Variants in SLC1A2 observed in about 807,000 individuals in gnomAD.
SLC1A2 encodes excitatory amino acid transporter 2.
Under a neutral mutation model 48.8 loss-of-function variants are expected in SLC1A2, and 15 were observed. The observed-to-expected ratio is 0.31, with a 90% confidence interval of 0.21 to 0.47. SLC1A2 has a LOEUF of 0.47. Ranked by LOEUF, SLC1A2 falls within the 20% of genes least tolerant of loss-of-function variation. The pLI is 0.99. For missense variants in SLC1A2, 502 were observed against 730.5 expected (o/e 0.69, Z 3.61); for synonymous variants, 279 against 272.6 (o/e 1.02, Z -0.23).
chr11:35,353,311 G>T (rs11033088), intron 1 of SLC1A2, among the ~76,000 whole-genome samples: 15,287 of 152,144 alleles, frequency 0.1, 921 homozygotes, highest in Middle Eastern at 0.15. Context: ...CAAATGCACA[G>T]AAGCAATGCC....
At chr11:35,305,403 G>A (rs1851472551) in intron 5 of SLC1A2, among the ~76,000 whole-genome samples, 1 of 152,148 alleles carries the variant, frequency 6.6e-6, no homozygotes, top group East Asian at 1.9e-4. Flanking sequence ...TTACAAATGA[G>A]GCTCAGAGAA....
intron 1 of SLC1A2, among the ~76,000 whole-genome samples, chr11:35,346,329 C>A (rs1375330392): frequency 2.0e-5 from 3 of 152,174 alleles, no homozygotes; most frequent in African/African-American, 7.2e-5. Context: ...CCTTAGTCTC[C>A]ATGGGCTACT....
At chr11:35,358,125 C>A (rs941243444) in intron 1 of SLC1A2, among the ~76,000 whole-genome samples, 1 of 150,082 alleles carries the variant, frequency 6.7e-6, no homozygotes, top group Non-Finnish European at 1.5e-5. Context: ...AGCCTGGCAA[C>A]AGAGCAAGAC....
chr11:35,356,510 T>C (rs561452534), intron 1 of SLC1A2, among the ~76,000 whole-genome samples: 3 of 152,296 alleles, frequency 2.0e-5, no homozygotes, highest in Admixed American at 2.0e-4. Flanking sequence ...AGGCCCTTGG[T>C]TGCAATGTGG....
chr11:35,277,787 C>A (rs1372015099), intron 9 of SLC1A2, among the ~76,000 whole-genome samples: 1 of 102,206 alleles, frequency 9.8e-6, no homozygotes, highest in Non-Finnish European at 2.3e-5. Context: ...GTGGATGGAC[C>A]CAATTATCAC....
intron 2 of SLC1A2, 69 bp from the exon 3 acceptor site, chr11:35,315,244 ATT>A (rs1851838131): frequency 3.4e-6 from 4 of 1,174,480 alleles, no homozygotes; most frequent in Admixed American, 3.8e-5. Flanking sequence ...CTAGACACTT[ATT>A]TCAGCAACAT....
chr11:35,315,573 C>G (rs1430520640), intron 2 of SLC1A2: 1 of 159,272 alleles, frequency 6.3e-6, no homozygotes, highest in Non-Finnish European at 1.4e-5. Context: ...GCGAGTGGGT[C>G]ACCTGAGGTC....
intron 1 of SLC1A2, among the ~76,000 whole-genome samples, chr11:35,327,331 G>A (rs750743452): frequency 2.7e-5 from 4 of 150,198 alleles, no homozygotes; most frequent in Non-Finnish European, 4.4e-5. Context: ...GCCTTAAATG[G>A]CTGATTCCCA....
At chr11:35,279,053 A>T (rs946155977) in intron 9 of SLC1A2, among the ~76,000 whole-genome samples, 1 of 152,220 alleles carries the variant, frequency 6.6e-6, no homozygotes, top group Non-Finnish European at 1.5e-5. Flanking sequence ...GGCTCTTAAA[A>T]TCAATGCCAA....
intron 1 of SLC1A2, among the ~76,000 whole-genome samples, chr11:35,416,764 A>G (rs1426764441): frequency 6.6e-6 from 1 of 152,236 alleles, no homozygotes; most frequent in Non-Finnish European, 1.5e-5. Flanking sequence ...CTAACAAAGG[A>G]GACAGCCTGA....
In SLC1A2 at chr11:35,346,272, ACCT is replaced by A. The variant is rs1853029695; in HGVS notation, c.18-28759_18-28757del. Among the ~76,000 whole-genome samples, 13 of 151,450 alleles carry A rather than the reference ACCT, an allele frequency of 8.6e-5. 1 individual carries two copies. The South Asian group carries it at 2.7e-3, about 32-fold the overall frequency. On this transcript the variant is annotated intron_variant, in intron 1 of 10. Transcript: ENST00000278379. ...CATTTGAGGCATCCATTTCCATCCC[ACCT>A]CCTGCTGTTCTGGGGTCAAGCATAG...
At chr11:35,276,661 G>A (rs917935927) in intron 9 of SLC1A2, among the ~76,000 whole-genome samples, 1 of 152,130 alleles carries the variant, frequency 6.6e-6, no homozygotes, top group South Asian at 2.1e-4. Context: ...CATCCAACAG[G>A]CTTGAAAACA....
At chr11:35,274,941 G>T (rs961940191) in intron 9 of SLC1A2, among the ~76,000 whole-genome samples, 1 of 152,124 alleles carries the variant, frequency 6.6e-6, no homozygotes. Context: ...AAAAGTAGAG[G>T]TGCTCATATA....
chr11:35,397,598 C>G (rs139480073), intron 1 of SLC1A2, among the ~76,000 whole-genome samples: 1 of 152,164 alleles, frequency 6.6e-6, no homozygotes, highest in Non-Finnish European at 1.5e-5. Context: ...CTAGGCATTA[C>G]CCTCCAAACT....
At chr11:35,280,057 C>G (rs759519394) in intron 9 of SLC1A2, among the ~76,000 whole-genome samples, 2 of 152,214 alleles carry the variant, frequency 1.3e-5, no homozygotes, top group African/African-American at 2.4e-5. Flanking sequence ...CTGTGCATAC[C>G]TGTGCATATG....
chr11:35,311,811 C>T (rs1851695881), intron 4 of SLC1A2, among the ~76,000 whole-genome samples: 1 of 149,332 alleles, frequency 6.7e-6, no homozygotes, highest in Admixed American at 6.7e-5. Context: ...TGCCCATGGA[C>T]AACTCAAAGA....
chr11:35,354,814 G>A (rs1359652262), intron 1 of SLC1A2, among the ~76,000 whole-genome samples: 3 of 152,124 alleles, frequency 2.0e-5, no homozygotes, highest in African/African-American at 7.2e-5. Flanking sequence ...ACTGAAATAC[G>A]TGCCTACTCT....
Position 35,256,238 on chromosome 11 carries a change from T to C in SLC1A2, c.*4656A>G, listed in dbSNP as rs1480515369. Reference sequence around the variant, plus strand: ...TCTATGTCATTGCCTGAATTAGCTGTGTTATGCTACAAAGTTGGATACTAT... The same window carrying C: ...TCTATGTCATTGCCTGAATTAGCTGCGTTATGCTACAAAGTTGGATACTAT... On this transcript the variant is annotated 3_prime_UTR_variant, in exon 11 of 11. Transcript: ENST00000278379. 6.6e-6 allele frequency: 1 copy of C among 152,246 alleles called. No individual in the cohort carries two copies. The highest frequency in any genetic ancestry group is 6.5e-5 in the Admixed American group (1 of 15,286). 9.4% of individuals were successfully genotyped at this position (152,246 alleles called of 1,614,324 possible).
intron 1 of SLC1A2, among the ~76,000 whole-genome samples, chr11:35,341,347 G>A (rs1039998628): frequency 6.6e-6 from 1 of 152,100 alleles, no homozygotes; most frequent in Non-Finnish European, 1.5e-5. Context: ...ATAAATGAAG[G>A]CATATTTTAA....
Sources: gnomAD v4.1 joint callset for allele counts (sites outside exome capture counted in the v4.1 genomes callset) on GRCh38, gnomAD v4.1.1 for gene constraint, MANE v1.5 for transcripts, NCBI Gene and HGNC (gene_info 2026-07-23, HGNC 2026-07-21) for gene names.